Variants in CEP192 observed in about 807,000 individuals in gnomAD.
CEP192 encodes centrosomal protein 192, also known as centrosomal protein of 192 kDa.
In CEP192, 151 loss-of-function variants were observed where a neutral mutation model predicts 271.8. The observed-to-expected ratio is 0.56, with a 90% CI of 0.49 to 0.64. The LOEUF is 0.64. Ranked by LOEUF, CEP192 falls within the 30% of genes least tolerant of loss-of-function variation. CEP192 has a pLI of 0.00. For synonymous variants in CEP192, 995 were observed against 1,076.5 expected (o/e 0.92, Z 1.48); for missense variants, 2,910 against 3,020.5 (o/e 0.96, Z 0.86).
rs375152266 is a variant in CEP192, at chr18:13,087,651, A to T, written c.5993+5A>T. The stretch of plus-strand genomic sequence containing the variant: ...TTCAAGACAGCAGTATCGCAGGTAG[A>T]TTACTTATCTTACACAATGTTGGGA... On this transcript the variant is annotated splice_donor_5th_base_variant and intron_variant, in intron 32 of 44. Coordinates refer to ENST00000506447, the MANE Select transcript of CEP192 (RefSeq NM_032142.4). 4 of 1,394,888 alleles carry T rather than the reference A, an allele frequency of 2.9e-6. No homozygotes were observed. The African/African-American group carries it at 5.8e-5, about 20-fold the overall frequency. The allele number at this position is 1,394,888 out of a possible 1,614,324, so 86.4% of individuals were successfully genotyped here.
chr18:13,107,867 A>G (rs1222277126), intron 40 of CEP192, among the ~76,000 whole-genome samples: 1 of 141,666 alleles, frequency 7.1e-6, no homozygotes, highest in Non-Finnish European at 1.5e-5. Flanking sequence ...GCGATTAGAA[A>G]TAAAGATAGT....
chr18:13,040,330 A>C (rs2036137033), intron 13 of CEP192, among the ~76,000 whole-genome samples: 1 of 152,244 alleles, frequency 6.6e-6, no homozygotes, highest in African/African-American at 2.4e-5. Flanking sequence ...TTCACATTTT[A>C]GTTCTGTCAT....
In CEP192 at chr18:13,024,805, T is replaced by C. The variant is rs1461263417; in HGVS notation, c.1051-4858T>C. ...ATTTTTTTGAGACCGAGTCTCGCTC[T>C]GTTGCCCAGGCTCTAGTGCAGTGGT... On this transcript the variant is annotated intron_variant, in intron 9 of 44. Transcript: ENST00000506447. Among the ~76,000 whole-genome samples the C allele has an allele frequency of 2.6e-5, 4 of 151,344 alleles. 1 individual carries two copies. The highest frequency in any genetic ancestry group is 9.7e-5 in the African/African-American group (4 of 41,100).
In CEP192 at chr18:13,087,564, G is replaced by A. The variant is rs2038955042; in HGVS notation, c.5911G>A (p.Gly1971Arg). 6.4e-7 allele frequency: 1 copy of A among 1,561,998 alleles called. No individual in the cohort carries two copies. Among genetic ancestry groups the A allele is most frequent in the Non-Finnish European group, 8.7e-7 (1 of 1,147,104 alleles). ...TTTAATATATAATCCATCAGACAGA[G>A]GAATCAATAATAAAACTGCAACAGA... ...VTLIYNPSDR[G>R]INNKTATELS... Residue 1971 changes from glycine to arginine, a missense_variant, in exon 32 of 45, where the codon GGA becomes AGA. Physicochemically the swap from Gly to Arg is moderately radical, Grantham distance 125. Coordinates refer to ENST00000506447, the MANE Select transcript of CEP192 (RefSeq NM_032142.4).
At chr18:13,078,537 A>G (rs557369953) in intron 30 of CEP192, among the ~76,000 whole-genome samples, 1 of 152,240 alleles carries the variant, frequency 6.6e-6, no homozygotes, top group East Asian at 1.9e-4. Context: ...GAACTAATTT[A>G]CACTCCCACC....
At chr18:13,088,716 C>T in intron 32 of CEP192, 1 of 241,650 alleles carries the variant, frequency 4.1e-6, no homozygotes, top group Non-Finnish European at 8.7e-6. Flanking sequence ...TATTCTAATA[C>T]AGAATTTGGG....
chr18:13,073,232 T>G (rs1256882021), intron 30 of CEP192, 47 bp downstream of exon 30: 2 of 1,457,412 alleles, frequency 1.4e-6, no homozygotes, highest in Non-Finnish European at 1.9e-6. Context: ...TTTATGCCAT[T>G]TTATAACTAT....
chr18:13,063,739 A>G (rs2037532676), intron 21 of CEP192, among the ~76,000 whole-genome samples: 1 of 150,468 alleles, frequency 6.6e-6, no homozygotes, highest in Admixed American at 6.6e-5. Context: ...CCATTTGTCC[A>G]TGTTTGTTTT....
chr18:13,116,249 CTT>C (rs1249331772), intron 42 of CEP192, 126 bp from the exon 43 acceptor site: 2 of 940,744 alleles, frequency 2.1e-6, no homozygotes, highest in Non-Finnish European at 3.2e-6. Flanking sequence ...CATTACAAAA[CTT>C]ATATTTGAAA....
chr18:13,038,142 G>C (rs2036010117), intron 12 of CEP192, among the ~76,000 whole-genome samples: 1 of 152,168 alleles, frequency 6.6e-6, no homozygotes, highest in Non-Finnish European at 1.5e-5. Context: ...AGCAACTCAT[G>C]ATCGTGTGTA....
At chr18:13,037,632 T>C (rs2035985469) in intron 12 of CEP192, among the ~76,000 whole-genome samples, 2 of 152,358 alleles carry the variant, frequency 1.3e-5, no homozygotes, top group African/African-American at 4.8e-5. Context: ...CATAGTTCAC[T>C]GCAGCCTCAA....
At chr18:13,120,384 G>A (rs2000666) in intron 44 of CEP192, among the ~76,000 whole-genome samples, 1 of 151,974 alleles carries the variant, frequency 6.6e-6, no homozygotes, top group South Asian at 2.1e-4. Context: ...TGTAAAAGTA[G>A]ACATTTTTGT....
At chr18:13,115,124 G>C (rs2040369616) in intron 42 of CEP192, among the ~76,000 whole-genome samples, 1 of 152,144 alleles carries the variant, frequency 6.6e-6, no homozygotes, top group African/African-American at 2.4e-5. Context: ...GAAGAAATTA[G>C]AGCCCTTTAA....
At chr18:13,099,713 C>A in intron 37 of CEP192, 132 bp downstream of exon 37, 1 of 550,550 alleles carries the variant, frequency 1.8e-6, no homozygotes, top group Non-Finnish European at 3.2e-6. Flanking sequence ...TTTGTGGGTT[C>A]CACTTCCAGG....
chr18:13,113,484 G>C (rs2040297550), intron 40 of CEP192, 102 bp from the exon 41 acceptor site: 1 of 1,161,396 alleles, frequency 8.6e-7, no homozygotes, highest in South Asian at 1.4e-5. Flanking sequence ...AAAAGCATTT[G>C]TTCCTTTAAT....
intron 34 of CEP192, among the ~76,000 whole-genome samples, chr18:13,092,872 C>T (rs868730840): frequency 5.9e-5 from 9 of 152,030 alleles, no homozygotes; most frequent in Admixed American, 1.3e-4. Flanking sequence ...CACTCTCCTA[C>T]GGCCAGGTAT....
Position 13,096,304 on chromosome 18 carries a change from C to T in CEP192, c.6554C>T (p.Pro2185Leu). Reference protein sequence around the residue: ...TVTPQHGCVAPESKLQILVSP... With the variant: ...TVTPQHGCVALESKLQILVSP... ...ACGCCGCAGCATGGATGTGTCGCGC[C>T]AGAGTAAGTCTGACTTCTGTGTTGC... Residue 2185 changes from proline (P) to leucine (L), a missense_variant, in exon 36 of 45, where the codon CCA becomes CTA. Pro to Leu is a moderately conservative substitution (Grantham distance 98). Coordinates refer to ENST00000506447, the MANE Select transcript of CEP192 (RefSeq NM_032142.4). The T allele has an allele frequency of 2.5e-6, 4 of 1,613,036 alleles. No individual in the cohort carries two copies. The highest frequency in any genetic ancestry group is 3.4e-6 in the Non-Finnish European group (4 of 1,179,282).
Position 13,114,248 on chromosome 18 carries a change from C to T in CEP192, c.7286C>T (p.Pro2429Leu). 1 of 1,612,040 alleles carries T rather than the reference C, an allele frequency of 6.2e-7. No individual in the cohort carries two copies. Among genetic ancestry groups the T allele is most frequent in the Non-Finnish European group, 8.5e-7 (1 of 1,179,544 alleles). The change falls in exon 42 of 45, where the codon CCT (proline) becomes CTT (leucine). Residue 2429 changes from proline (P) to leucine (L), a missense_variant. By Grantham distance (98) the Pro-to-Leu change is moderately conservative. Transcript: ENST00000506447. ...GTGTCAGAGGCTTCTGCTCGCATAC[C>T]TGAGTATGTTGTTTTTGTCATTCTT... ...QAVSEASARIPEQLDVTARGV... is the reference protein window; with the variant it reads ...QAVSEASARILEQLDVTARGV...
intron 7 of CEP192, among the ~76,000 whole-genome samples, chr18:13,018,117 C>T (rs1309726667): frequency 1.3e-5 from 2 of 152,138 alleles, no homozygotes; most frequent in Non-Finnish European, 2.9e-5. Context: ...TCTCATTGCC[C>T]TACACCGGGA....
Sources: allele counts gnomAD v4.1 joint callset (sites outside exome capture counted in the v4.1 genomes callset), GRCh38; gene constraint gnomAD v4.1.1; transcripts MANE v1.5; gene names NCBI Gene and HGNC (gene_info 2026-07-23, HGNC 2026-07-21).